PIWIL3: variants seen among roughly 807,000 people sequenced by gnomAD.
PIWIL3 encodes piwi like RNA-mediated gene silencing 3, also known as piwi-like protein 3.
PIWIL3 carries 101 observed loss-of-function variants against 109.7 expected under a neutral mutation model. The ratio of observed to expected loss-of-function variants is 0.92; its 90% CI spans 0.78 to 1.09. The LOEUF is 1.09. PIWIL3 is among the 50% of genes least tolerant of loss of function. The pLI, the probability that PIWIL3 is intolerant of heterozygous loss-of-function variation, is 0.00. For missense variants in PIWIL3, 1,031 were observed against 1,072.6 expected (o/e 0.96, Z 0.54); for synonymous variants, 373 against 376.4 (o/e 0.99, Z 0.10).
intron 9 of PIWIL3, 101 bp from the exon 10 acceptor site, chr22:24,749,920 C>T (rs1924604769): frequency 6.6e-7 from 1 of 1,522,934 alleles, no homozygotes; most frequent in Non-Finnish European, 9.0e-7. Flanking sequence ...AATGAAGGGC[C>T]ACAGGCGTGC....
Position 24,749,444 on chromosome 22 carries a change from T to A in PIWIL3, c.1294A>T (p.Arg432Trp). The A allele has an allele frequency of 6.2e-7, 1 of 1,613,974 alleles. No homozygotes were observed. The highest frequency in any genetic ancestry group is 8.5e-7 in the Non-Finnish European group (1 of 1,180,018). ...ATGAATTCTTTTAATGTATGATGCC[T>A]TCTTCTTGGACTCAATCTTGTATGT... ...AKHTRLSPRR[R>W]HHTLKEFINT... is the part of the protein sequence containing the mutation. Residue 432 changes from arginine (R) to tryptophan (W), a missense_variant, in exon 11 of 21, where the codon AGG (arginine) becomes TGG (tryptophan). By Grantham distance (101) the Arg-to-Trp change is moderately radical. Coordinates refer to ENST00000616349, the MANE Select transcript of PIWIL3 (RefSeq NM_001255975.1).
At chr22:24,722,657 G>T (rs1922741298) in intron 19 of PIWIL3, among the ~76,000 whole-genome samples, 1 of 152,058 alleles carries the variant, frequency 6.6e-6, no homozygotes, top group Non-Finnish European at 1.5e-5. Context: ...AGGTGGCAGT[G>T]TGCCTGTGCC....
chr22:24,750,984 C>T (rs191078808), intron 9 of PIWIL3, among the ~76,000 whole-genome samples: 1 of 151,648 alleles, frequency 6.6e-6, no homozygotes, highest in African/African-American at 2.4e-5. Flanking sequence ...ATTAGCCAGG[C>T]GTGGTGGCAG....
At chr22:24,752,531 C>T (rs1924772218) in intron 8 of PIWIL3, among the ~76,000 whole-genome samples, 1 of 152,164 alleles carries the variant, frequency 6.6e-6, no homozygotes, top group Non-Finnish European at 1.5e-5. Context: ...ATAAAACCAA[C>T]TGCATCCCTC....
At chr22:24,770,060 G>A (rs1159032021) in intron 1 of PIWIL3, among the ~76,000 whole-genome samples, 1 of 152,178 alleles carries the variant, frequency 6.6e-6, no homozygotes, top group Non-Finnish European at 1.5e-5. Flanking sequence ...CATGGATACA[G>A]AGAACCAACT....
intron 12 of PIWIL3, among the ~76,000 whole-genome samples, chr22:24,748,310 G>C (rs1368727033): frequency 6.6e-6 from 1 of 152,172 alleles, no homozygotes; most frequent in Non-Finnish European, 1.5e-5. Flanking sequence ...AGAATGTGGG[G>C]ATGATGGTTA....
At chr22:24,722,721 AG>A (rs1234645222) in intron 19 of PIWIL3, among the ~76,000 whole-genome samples, 3 of 152,034 alleles carry the variant, frequency 2.0e-5, no homozygotes, top group African/African-American at 4.8e-5. Context: ...TCCATCAAAT[AG>A]ATAGATAGAT....
intron 1 of PIWIL3, among the ~76,000 whole-genome samples, chr22:24,768,174 C>T (rs1228325123): frequency 2.0e-5 from 3 of 152,022 alleles, no homozygotes; most frequent in Non-Finnish European, 4.4e-5. Flanking sequence ...GTTTTGTGAC[C>T]ATCACAAAAA....
intron 12 of PIWIL3, among the ~76,000 whole-genome samples, chr22:24,744,671 G>T (rs1432800598): frequency 6.6e-6 from 1 of 152,172 alleles, no homozygotes; most frequent in Admixed American, 6.6e-5. Flanking sequence ...CAACAATAAA[G>T]TGGTCAATTC....
intron 12 of PIWIL3, among the ~76,000 whole-genome samples, chr22:24,744,177 TTAAAAAAAAAAAA>T (rs1924180154): frequency 5.6e-5 from 2 of 35,842 alleles, no homozygotes; most frequent in African/African-American, 1.2e-4. Flanking sequence ...AGTGACCGAA[TTAAAAAAAAAAAA>T]AAAAAAAAAA....
chr22:24,719,988 C>T (rs1241972649), intron 19 of PIWIL3, 93 bp from the exon 20 acceptor site: 3 of 1,103,490 alleles, frequency 2.7e-6, no homozygotes, highest in Non-Finnish European at 3.8e-6. Context: ...AGTATAATTG[C>T]TTACAAAAAT....
intron 1 of PIWIL3, among the ~76,000 whole-genome samples, chr22:24,767,711 G>A (rs1179574221): frequency 2.6e-5 from 4 of 152,014 alleles, no homozygotes; most frequent in African/African-American, 9.7e-5. Flanking sequence ...AATAATGACC[G>A]AAAATTTTCC....
intron 3 of PIWIL3, 114 bp downstream of exon 3, chr22:24,759,755 C>G: frequency 6.8e-7 from 1 of 1,468,744 alleles, no homozygotes; most frequent in Non-Finnish European, 9.3e-7. Flanking sequence ...ACACACTTCC[C>G]ATCCCACCAA....
Position 24,754,858 on chromosome 22 carries a change from G to T in PIWIL3, c.699C>A (p.Phe233Leu), listed in dbSNP as rs1601844651. 3.1e-6 allele frequency: 5 copies of T among 1,610,828 alleles called. No homozygotes were observed. In the Middle Eastern group the frequency reaches 8.3e-4, roughly 266 times the overall value. ...CAACTTGTTCAAAATCCAGCAGCTT[G>T]AAAGTTCTGGAAATGGAAAGAATAG... ...RYYNILFRRT[F>L]KLLDFEQVGR... Residue 233 changes from phenylalanine to leucine, a missense_variant, in exon 7 of 21, where the codon TTC (phenylalanine) becomes TTA (leucine). Physicochemically the swap from Phe to Leu is conservative, Grantham distance 22. Coordinates refer to ENST00000616349, the MANE Select transcript of PIWIL3 (RefSeq NM_001255975.1).
intron 12 of PIWIL3, among the ~76,000 whole-genome samples, chr22:24,741,551 C>T (rs961631300): frequency 6.6e-6 from 1 of 152,052 alleles, no homozygotes; most frequent in East Asian, 1.9e-4. Context: ...CCACAAAAAA[C>T]AAACCACCTC....
intron 3 of PIWIL3, 97 bp downstream of exon 3, chr22:24,759,772 C>A (rs923800506): frequency 5.9e-5 from 91 of 1,546,376 alleles, no homozygotes; most frequent in Non-Finnish European, 7.1e-5. Context: ...CCAAACCTCA[C>A]GGGAGTCCTG....
Position 24,723,196 on chromosome 22 carries a change from T to C in PIWIL3, c.2291A>G (p.His764Arg). The change falls in exon 19 of 21, where the codon CAT becomes CGT. Residue 764 changes from histidine (H) to arginine (R), a missense_variant. Coordinates refer to ENST00000616349, the MANE Select transcript of PIWIL3 (RefSeq NM_001255975.1). ...AGGTGGATTTTGAAAATTGCTTCCATGTTTAAGAAAAAATCTAGTGTTTAT... is the reference window on the plus strand; with the variant it reads ...AGGTGGATTTTGAAAATTGCTTCCACGTTTAAGAAAAAATCTAGTGTTTAT... ...KRINTRFFLKHGSNFQNPPPG... is the reference protein window; with the variant it reads ...KRINTRFFLKRGSNFQNPPPG... 1.2e-6 allele frequency: 2 copies of C among 1,611,306 alleles called. No individual in the cohort carries two copies. Among genetic ancestry groups the C allele is most frequent in the Non-Finnish European group, 1.7e-6 (2 of 1,177,632 alleles).
intron 6 of PIWIL3, 134 bp downstream of exon 6, chr22:24,755,650 C>T (rs1017441802): frequency 1.7e-6 from 2 of 1,174,324 alleles, no homozygotes; most frequent in East Asian, 2.4e-5. Flanking sequence ...ATTTCATCTC[C>T]AAGACCCTTC....
intron 14 of PIWIL3, among the ~76,000 whole-genome samples, chr22:24,731,583 G>A (rs1213735773): frequency 3.3e-5 from 5 of 151,834 alleles, no homozygotes; most frequent in South Asian, 4.2e-4. Context: ...CCCGGGAGGC[G>A]GAGGTTGCAG....
Sources: gnomAD v4.1 joint callset for allele counts (sites outside exome capture counted in the v4.1 genomes callset) on GRCh38, gnomAD v4.1.1 for gene constraint, MANE v1.5 for transcripts, NCBI Gene and HGNC (gene_info 2026-07-23, HGNC 2026-07-21) for gene names.